SEC61A2: variants seen among roughly 807,000 people sequenced by gnomAD.
SEC61A2 encodes SEC61 translocon subunit alpha 2, also known as protein transport protein Sec61 subunit alpha isoform 2.
SEC61A2 carries 28 observed loss-of-function variants against 59.9 expected under a neutral mutation model. That is an observed-to-expected ratio of 0.47 (90% confidence interval 0.35 to 0.64). SEC61A2 has a LOEUF of 0.64. Among genes scored for constraint, SEC61A2 ranks in the 30% least tolerant of loss-of-function variants. SEC61A2 has a pLI of 0.01. For missense variants in SEC61A2, 340 were observed against 585.9 expected (o/e 0.58, Z 4.33); for synonymous variants, 202 against 214.4 (o/e 0.94, Z 0.50).
At chr10:12,150,836 A>G (rs1265906559) in intron 6 of SEC61A2, among the ~76,000 whole-genome samples, 7 of 149,478 alleles carry the variant, frequency 4.7e-5, no homozygotes, top group Non-Finnish European at 1.0e-4. Context: ...GTGCAGTGGC[A>G]CAATCTCAGC....
In SEC61A2 at chr10:12,152,867, G is replaced by A. The variant is rs571631072; in HGVS notation, c.462+2906G>A. Among the ~76,000 whole-genome samples the A allele has an allele frequency of 4.6e-5, 7 of 151,882 alleles. No individual in the cohort carries two copies. The highest frequency in any genetic ancestry group is 1.9e-4 in the East Asian group (1 of 5,166). On this transcript the variant is annotated intron_variant, in intron 6 of 11. Transcript: ENST00000298428. This position sits in a 1 kb window ranked among gnomAD's most constrained non-coding sequence, Gnocchi z 5.5. ...CTGCACTCCAGCCTGGCGACAGAGC[G>A]GGACTCCGTCTCAAAAACTAAAACA...
intron 1 of SEC61A2, among the ~76,000 whole-genome samples, chr10:12,131,893 C>T (rs1394491871): frequency 0.35 from 7 of 20 alleles, no homozygotes; most frequent in African/African-American, 0.5. Flanking sequence ...GACGGGGGTT[C>T]ACCATGTTGG....
Position 12,161,038 on chromosome 10 carries a change from G to C in SEC61A2, c.1084G>C (p.Val362Leu), listed in dbSNP as rs774727309. 3.7e-6 allele frequency: 6 copies of C among 1,613,940 alleles called. No individual in the cohort carries two copies. The highest frequency in any genetic ancestry group is 1.6e-4 in the Middle Eastern group (1 of 6,062). ...CATCTTTGAGGATCCTGTCCATGTCGTTGTTTATATCATCTTCATGTTGGG... is the reference window on the plus strand; with the variant it reads ...CATCTTTGAGGATCCTGTCCATGTCCTTGTTTATATCATCTTCATGTTGGG... ...GAIFEDPVHV[V>L]VYIIFMLGSC... is the part of the protein sequence containing the mutation. Residue 362 changes from valine to leucine, a missense_variant, in exon 10 of 12, where the codon GTT (valine) becomes CTT (leucine). By Grantham distance (32) the Val-to-Leu change is conservative. Coordinates refer to ENST00000298428, the MANE Select transcript of SEC61A2 (RefSeq NM_018144.4). This position sits in a 1 kb window ranked among gnomAD's most constrained non-coding sequence, Gnocchi z 5.4.
chr10:12,155,638 A>C lies in SEC61A2; in HGVS notation c.463-140A>C. The C allele has an allele frequency of 2.1e-6, 2 of 955,826 alleles. No individual in the cohort carries two copies. Among genetic ancestry groups the C allele is most frequent in the East Asian group, 2.4e-5 (1 of 41,688 alleles). 59.2% of individuals were successfully genotyped at this position (955,826 alleles called of 1,614,324 possible). On this transcript the variant is annotated intron_variant, in intron 6 of 11. Coordinates refer to ENST00000298428, the MANE Select transcript of SEC61A2 (RefSeq NM_018144.4). The surrounding 1 kb of genome is among the most constrained non-coding windows in gnomAD (Gnocchi z 4.3). ...TAAATGAAAGCAGGCCAAAAGATGC[A>C]GTTGGTCATCACAGTGAGATTGCAA...
Position 12,162,692 on chromosome 10 carries a change from G to A in SEC61A2, c.1244+403G>A, listed in dbSNP as rs114702372. On this transcript the variant is annotated intron_variant, in intron 11 of 11. Transcript: ENST00000298428. The surrounding 1 kb of genome is among the most constrained non-coding windows in gnomAD (Gnocchi z 6.1). ...CAGATACCATGTAATTCACTCACTTGAAGTATATTGTTCAGTGTTTTTTAG... is the reference window on the plus strand; with the variant it reads ...CAGATACCATGTAATTCACTCACTTAAAGTATATTGTTCAGTGTTTTTTAG... Among the ~76,000 whole-genome samples the A allele has an allele frequency of 1.3e-3, 192 of 152,246 alleles. 1 individual carries two copies. Among genetic ancestry groups the A allele is most frequent in the African/African-American group, 4.4e-3 (183 of 41,540 alleles).
chr10:12,148,291 G>GCT (rs1834193172), intron 4 of SEC61A2, among the ~76,000 whole-genome samples: 1 of 137,194 alleles, frequency 7.3e-6, no homozygotes, highest in South Asian at 2.3e-4. Context: ...TGTTGCCCAG[G>GCT]CTGGAGTGCA....
chr10:12,135,523 A>G (rs1833864191), intron 2 of SEC61A2, among the ~76,000 whole-genome samples: 1 of 152,206 alleles, frequency 6.6e-6, no homozygotes, highest in Non-Finnish European at 1.5e-5. Flanking sequence ...TGTATTATGT[A>G]GTGGTGAAGT....
Position 12,152,616 on chromosome 10 carries a change from C to T in SEC61A2, c.462+2655C>T, listed in dbSNP as rs564574306. Among the ~76,000 whole-genome samples the T allele has an allele frequency of 7.2e-5, 11 of 151,826 alleles. No individual in the cohort carries two copies. In the South Asian group the frequency reaches 8.4e-4, roughly 12 times the overall value. ...CTCTACTAAAAACACAAAAATTGGC[C>T]GGGTGCAGTGGCTCACACCTGTAAT... On this transcript the variant is annotated intron_variant, in intron 6 of 11. Coordinates refer to ENST00000298428, the MANE Select transcript of SEC61A2 (RefSeq NM_018144.4). This position sits in a 1 kb window ranked among gnomAD's most constrained non-coding sequence, Gnocchi z 5.5.
chr10:12,136,244 T>G, intron 3 of SEC61A2, 74 bp downstream of exon 3: 1 of 961,042 alleles, frequency 1.0e-6, no homozygotes, highest in South Asian at 1.4e-5. Context: ...TTTGAGAATT[T>G]TTTTTGTTAA....
downstream of SEC61A2, chr10:12,168,008 A>G (rs567251675): frequency 6.7e-6 from 7 of 1,046,444 alleles, no homozygotes; most frequent in East Asian, 2.4e-4. This position sits in a 1 kb window ranked among gnomAD's most constrained non-coding sequence, Gnocchi z 4.8. Flanking sequence ...AGCATGAGAC[A>G]AGAACATCAG....
In SEC61A2 at chr10:12,160,829, G is replaced by A. The variant is rs1834509009; in HGVS notation, c.976-101G>A. On this transcript the variant is annotated intron_variant, in intron 9 of 11. Transcript: ENST00000298428. The surrounding 1 kb of genome is among the most constrained non-coding windows in gnomAD (Gnocchi z 4.1). ...TAGAATGACTAGCTGTAGATGCCTT[G>A]AACTTAAAACACTGTCATTTCTGAG... 2.0e-6 allele frequency: 2 copies of A among 1,012,812 alleles called. No homozygotes were observed. Among genetic ancestry groups the A allele is most frequent in the East Asian group, 2.5e-5 (1 of 40,540 alleles). 62.7% of individuals were successfully genotyped at this position (1,012,812 alleles called of 1,614,324 possible).
chr10:12,131,639 G>C (rs938695935), intron 1 of SEC61A2, among the ~76,000 whole-genome samples: 1 of 144,416 alleles, frequency 6.9e-6, no homozygotes, highest in Non-Finnish European at 1.5e-5. Flanking sequence ...GAGTAACTAG[G>C]CAATGAAATG....
At position 12,152,289 on chromosome 10, in the gene SEC61A2, A is replaced by G; in HGVS notation, c.462+2328A>G. 6.6e-6 allele frequency among the ~76,000 whole-genome samples: 1 copy of G among 151,964 alleles called. No individual in the cohort carries two copies. Among genetic ancestry groups the G allele is most frequent in the East Asian group, 1.9e-4 (1 of 5,144 alleles). On this transcript the variant is annotated intron_variant, in intron 6 of 11. Transcript: ENST00000298428. The surrounding 1 kb of genome is among the most constrained non-coding windows in gnomAD (Gnocchi z 5.5). ...GAGATGGGATTTTGCCGTGTTGGCC[A>G]GGCTGGTCTTGAACTTCTGACCTTA...
downstream of SEC61A2, among the ~76,000 whole-genome samples, chr10:12,168,108 T>C (rs1834752660): frequency 6.6e-6 from 1 of 151,374 alleles, no homozygotes; most frequent in Admixed American, 6.6e-5. The surrounding 1 kb of genome is among the most constrained non-coding windows in gnomAD (Gnocchi z 4.8). Context: ...CACTGCAACC[T>C]CTGCCTCCTG....
chr10:12,150,151 T>C lies in SEC61A2; in HGVS notation c.462+190T>C, dbSNP rs923801879. On this transcript the variant is annotated intron_variant, in intron 6 of 11. Coordinates refer to ENST00000298428, the MANE Select transcript of SEC61A2 (RefSeq NM_018144.4). ...CTTCTGTCACCGTGACGTGTTCAAGTTGTGTTGACGTGAAAAATTCAAATT... is the reference window on the plus strand; with the variant it reads ...CTTCTGTCACCGTGACGTGTTCAAGCTGTGTTGACGTGAAAAATTCAAATT... Among the ~76,000 whole-genome samples the C allele has an allele frequency of 2.0e-5, 3 of 152,340 alleles. No homozygotes were observed. In the Middle Eastern group the frequency reaches 0.01, roughly 518 times the overall value.
chr10:12,153,646 C>A lies in SEC61A2; in HGVS notation c.463-2132C>A. The stretch of plus-strand genomic sequence containing the variant: ...ACATGAATTCTGATACACAAATATG[C>A]GTGTTATGGCTAATTCTTCTAATGT... On this transcript the variant is annotated intron_variant, in intron 6 of 11. Coordinates refer to ENST00000298428, the MANE Select transcript of SEC61A2 (RefSeq NM_018144.4). This position sits in a 1 kb window ranked among gnomAD's most constrained non-coding sequence, Gnocchi z 5.2. The A allele has an allele frequency of 3.7e-6, 5 of 1,344,730 alleles. No homozygotes were observed. Among genetic ancestry groups the A allele is most frequent in the Non-Finnish European group, 5.1e-6 (5 of 980,682 alleles). The allele number at this position is 1,344,730 out of a possible 1,614,324, so 83.3% of individuals were successfully genotyped here.
chr10:12,144,353 T>C (rs1393222271), intron 4 of SEC61A2, among the ~76,000 whole-genome samples: 1 of 152,256 alleles, frequency 6.6e-6, no homozygotes, highest in Non-Finnish European at 1.5e-5. Context: ...ATACTTCTTA[T>C]AACTGAAAAG....
At position 12,155,254 on chromosome 10, in the gene SEC61A2, C is replaced by G; in HGVS notation, c.463-524C>G. The G allele has an allele frequency of 8.2e-7, 1 of 1,213,800 alleles. No individual in the cohort carries two copies. The highest frequency in any genetic ancestry group is 1.6e-5 in the African/African-American group (1 of 63,638). The allele number at this position is 1,213,800 out of a possible 1,614,324, so 75.2% of individuals were successfully genotyped here. On this transcript the variant is annotated intron_variant, in intron 6 of 11. Transcript: ENST00000298428. The surrounding 1 kb of genome is among the most constrained non-coding windows in gnomAD (Gnocchi z 4.3). ...CATATTTGTGTTCTAGTTTTTTATTCTGTACACATTTTATAGAGTATACAT... is the reference window on the plus strand; with the variant it reads ...CATATTTGTGTTCTAGTTTTTTATTGTGTACACATTTTATAGAGTATACAT...
In SEC61A2 at chr10:12,157,894, G is replaced by C; in HGVS notation, c.778-14G>C. 3 of 1,613,338 alleles carry C rather than the reference G, an allele frequency of 1.9e-6. No homozygotes were observed. The highest frequency in any genetic ancestry group is 2.5e-6 in the Non-Finnish European group (3 of 1,179,536). ...TGTCTGGCTCCCCCACTTACTCTCC[G>C]TTTCCTTTTTTAGGGATTTCGCGTT... On this transcript the variant is annotated splice_polypyrimidine_tract_variant and intron_variant, in intron 8 of 11. Transcript: ENST00000298428.
Sources: allele counts gnomAD v4.1 joint callset (sites outside exome capture counted in the v4.1 genomes callset), GRCh38; gene constraint gnomAD v4.1.1; non-coding constraint Gnocchi (gnomAD v3.1); transcripts MANE v1.5; gene names NCBI Gene and HGNC (gene_info 2026-07-23, HGNC 2026-07-21).